Variants in LONRF1 observed in about 807,000 individuals in gnomAD.
The protein encoded by LONRF1 is LON peptidase N-terminal domain and ring finger 1, also known as LON peptidase N-terminal domain and RING finger protein 1.
Under a neutral mutation model 85.8 loss-of-function variants are expected in LONRF1, and 37 were observed. The observed-to-expected ratio is 0.43, with a 90% CI of 0.33 to 0.57. The LOEUF is 0.57. Among genes scored for constraint, LONRF1 ranks in the 20% least tolerant of loss-of-function variants. The pLI is 0.04. For synonymous variants in LONRF1, 517 were observed against 390.1 expected (o/e 1.33, Z -3.83); for missense variants, 1,036 against 978.0 (o/e 1.06, Z -0.79).
chr8:12,738,516 T>C (rs560618318), intron 3 of LONRF1: 1 of 154,268 alleles, frequency 6.5e-6, no homozygotes, highest in East Asian at 1.9e-4. Context: ...TTCACCTCAA[T>C]GTATATTTAC....
chr8:12,728,632 T>C (rs1386345399), intron 10 of LONRF1, among the ~76,000 whole-genome samples: 1 of 152,224 alleles, frequency 6.6e-6, no homozygotes, highest in African/African-American at 2.4e-5. Flanking sequence ...TGCACATGTG[T>C]ACATATACAC....
rs1758001536 is a variant in LONRF1, at chr8:12,729,347, G to A, written c.1689-15C>T. 1 of 1,609,916 alleles carries A rather than the reference G, an allele frequency of 6.2e-7. No homozygotes were observed. The highest frequency in any genetic ancestry group is 8.5e-7 in the Non-Finnish European group (1 of 1,177,938). On this transcript the variant is annotated splice_polypyrimidine_tract_variant and intron_variant, in intron 8 of 11. Transcript: ENST00000398246. The stretch of plus-strand genomic sequence containing the variant: ...TCTTGGTCAAGCTAAGGGAAAAACA[G>A]TTTAATTATTAGAATTCATACAAGA...
intron 8 of LONRF1, among the ~76,000 whole-genome samples, chr8:12,730,242 G>A (rs1429090780): frequency 6.6e-6 from 1 of 152,196 alleles, no homozygotes; most frequent in Non-Finnish European, 1.5e-5. Context: ...TTATATTAAT[G>A]AGAGGAGCAG....
intron 10 of LONRF1, among the ~76,000 whole-genome samples, chr8:12,727,902 G>A (rs1282641968): frequency 6.6e-6 from 1 of 152,192 alleles, no homozygotes; most frequent in Non-Finnish European, 1.5e-5. Flanking sequence ...ATGGCATAGT[G>A]ATAAAGCTCA....
chr8:12,742,176 T>C (rs1469829251), intron 2 of LONRF1, among the ~76,000 whole-genome samples: 2 of 152,212 alleles, frequency 1.3e-5, no homozygotes, highest in African/African-American at 2.4e-5. Flanking sequence ...TCTGAATACA[T>C]TTACTTTGTA....
At chr8:12,750,475 T>C (rs1194593806) in intron 1 of LONRF1, among the ~76,000 whole-genome samples, 2 of 152,186 alleles carry the variant, frequency 1.3e-5, no homozygotes, top group Non-Finnish European at 2.9e-5. Context: ...GATGATAAAA[T>C]AGAACAATAT....
chr8:12,754,913 T>C lies in LONRF1; in HGVS notation c.508A>G (p.Thr170Ala), dbSNP rs1319499693. The change falls in exon 1 of 12, where the codon ACT becomes GCT. Residue 170 changes from threonine to alanine, a missense_variant. Thr to Ala is a moderately conservative substitution (Grantham distance 58). Transcript: ENST00000398246. ...CGCGGGGCGGTCCCTTCAGCATCAGTGGCACTGGCGGTGGCGGGCGGCAGC... is the reference window on the plus strand; with the variant it reads ...CGCGGGGCGGTCCCTTCAGCATCAGCGGCACTGGCGGTGGCGGGCGGCAGC... Reference protein sequence around the residue: ...DRLPPATASATDAEGTAPRPP... With the variant: ...DRLPPATASAADAEGTAPRPP... 8.7e-6 allele frequency: 13 copies of C among 1,492,552 alleles called. No individual in the cohort carries two copies. Among genetic ancestry groups the C allele is most frequent in the Non-Finnish European group, 1.2e-5 (13 of 1,125,224 alleles). 92.5% of individuals were successfully genotyped at this position (1,492,552 alleles called of 1,614,324 possible).
chr8:12,754,749 C>G lies in LONRF1; in HGVS notation c.672G>C (p.Gln224His). The G allele has an allele frequency of 1.2e-5, 17 of 1,446,776 alleles. No homozygotes were observed. The highest frequency in any genetic ancestry group is 3.0e-5 in the East Asian group (1 of 33,080). 89.6% of individuals were successfully genotyped at this position (1,446,776 alleles called of 1,614,324 possible). A position where few individuals can be genotyped will look rare whatever the true frequency, so the allele number is the denominator to read the frequency against. ...CGGCCAGGGCCTCCCGGTAGCGCCC[C>G]TGGTGCAGTAGCTCCCCGAGCCTGC... ...AAGRLGELLHQGRYREALAAA... is the reference protein window; with the variant it reads ...AAGRLGELLHHGRYREALAAA... The change falls in exon 1 of 12, where the codon CAG becomes CAC. Residue 224 changes from glutamine to histidine, a missense_variant. Transcript: ENST00000398246.
At position 12,735,289 on chromosome 8, in the gene LONRF1, T is replaced by C. The variant is rs1798676007; in HGVS notation, c.1563A>G (p.Lys521=). ...AGACACATATACAAATATTTACCTC[T>C]TTTAAGCTTTCTTTGCAAAGAGGAC... ...PYCPLCKESL[K]EYLADRRYCV... is the part of the protein sequence containing the mutation. Residue 521 remains lysine, a synonymous_variant, in exon 7 of 12, where the codon AAA becomes AAG. Coordinates refer to ENST00000398246, the MANE Select transcript of LONRF1 (RefSeq NM_152271.5). 1 of 1,592,780 alleles carries C rather than the reference T, an allele frequency of 6.3e-7. No homozygotes were observed. The highest frequency in any genetic ancestry group is 2.2e-5 in the East Asian group (1 of 44,506).
chr8:12,754,920 G>T lies in LONRF1; in HGVS notation c.501C>A (p.Ala167=). Residue 167 remains alanine, a synonymous_variant, in exon 1 of 12, where the codon GCC becomes GCA. Transcript: ENST00000398246. Reference sequence around the variant, plus strand: ...CGGTCCCTTCAGCATCAGTGGCACTGGCGGTGGCGGGCGGCAGCCGGTCCC... The same window carrying T: ...CGGTCCCTTCAGCATCAGTGGCACTTGCGGTGGCGGGCGGCAGCCGGTCCC... ...LCRDRLPPAT[A]SATDAEGTAP... is the part of the protein sequence containing the mutation. The T allele has an allele frequency of 6.7e-7, 1 of 1,490,308 alleles. No individual in the cohort carries two copies. The highest frequency in any genetic ancestry group is 2.8e-5 in the East Asian group (1 of 35,126). 92.3% of individuals were successfully genotyped at this position (1,490,308 alleles called of 1,614,324 possible).
intron 1 of LONRF1, among the ~76,000 whole-genome samples, chr8:12,747,253 T>C (rs1328873365): frequency 6.6e-6 from 1 of 152,220 alleles, no homozygotes; most frequent in Non-Finnish European, 1.5e-5. Context: ...AGCATTTATT[T>C]CATGGGTTGA....
chr8:12,744,938 T>G (rs1460886163), intron 1 of LONRF1, among the ~76,000 whole-genome samples: 2 of 152,160 alleles, frequency 1.3e-5, no homozygotes, highest in African/African-American at 4.8e-5. Flanking sequence ...TTTGATGACA[T>G]GCACGTTCAG....
At position 12,724,822 on chromosome 8, in the gene LONRF1, G is replaced by T. The variant is rs188508157; in HGVS notation, c.2163+905C>A. On this transcript the variant is annotated intron_variant, in intron 11 of 11. Coordinates refer to ENST00000398246, the MANE Select transcript of LONRF1 (RefSeq NM_152271.5). ...CAACTGATAATATGCTAAACAGAAT[G>T]AATACTAAATTTGGAGATGGCCTAA... Among the ~76,000 whole-genome samples, 466 of 152,268 alleles carry T rather than the reference G, an allele frequency of 3.1e-3. 13 individuals carry two copies. The highest frequency in any genetic ancestry group is 0.011 in the Admixed American group (170 of 15,294).
chr8:12,751,296 G>GTTTTTTTTTTTTTT (rs869038024), intron 1 of LONRF1, among the ~76,000 whole-genome samples: 15 of 69,532 alleles, frequency 2.2e-4, no homozygotes, highest in South Asian at 6.3e-4. Flanking sequence ...TTATTTTTAT[G>GTTTTTTTTTTTTTT]TTTTTTTTTT....
intron 1 of LONRF1, 146 bp from the exon 2 acceptor site, chr8:12,743,428 T>C (rs1799019113): frequency 1.7e-6 from 1 of 583,982 alleles, no homozygotes; most frequent in Non-Finnish European, 3.0e-6. Flanking sequence ...AAAGGCAGTA[T>C]AGGCACAACC....
intron 8 of LONRF1, among the ~76,000 whole-genome samples, chr8:12,731,529 C>G (rs971547595): frequency 5.3e-5 from 8 of 152,034 alleles, no homozygotes; most frequent in African/African-American, 1.7e-4. Flanking sequence ...CTTCAGCCCA[C>G]AGAGCTGAGT....
rs778610470 is a variant in LONRF1 at position 12,755,142 on chromosome 8, C to T, written c.279G>A (p.Leu93=). 6.9e-7 allele frequency: 1 copy of T among 1,447,108 alleles called. No individual in the cohort carries two copies. The highest frequency in any genetic ancestry group is 9.1e-7 in the Non-Finnish European group (1 of 1,103,426). 89.6% of individuals were successfully genotyped at this position (1,447,108 alleles called of 1,614,324 possible). A position where few individuals can be genotyped will look rare whatever the true frequency, so the allele number is the denominator to read the frequency against. The change falls in exon 1 of 12, where the codon CTG becomes CTA. Residue 93 remains leucine (L), a synonymous_variant. Coordinates refer to ENST00000398246, the MANE Select transcript of LONRF1 (RefSeq NM_152271.5). The stretch of plus-strand genomic sequence containing the variant: ...CGTGGCGGAGCCGGTAGTTGAACAC[C>T]AGGCAGTCCACCAGGGCGCCCAGGC... ...PECLGALVDC[L]VFNYRLRHGL... is the part of the protein sequence containing the mutation.
rs1348794979 is a variant in LONRF1, at chr8:12,728,987, C to T, written c.1924G>A (p.Val642Ile). 2 of 1,613,930 alleles carry T rather than the reference C, an allele frequency of 1.2e-6. No homozygotes were observed. Among genetic ancestry groups the T allele is most frequent in the African/African-American group, 2.7e-5 (2 of 74,912 alleles). ...AAAACCCTAAACCGCTTTCCTCCAA[C>T]TGTATCAACCACAGACCTTCCGTCC... ...LPDGRSVVDT[V>I]GGKRFRVLKR... Residue 642 changes from valine (V) to isoleucine (I), a missense_variant, in exon 10 of 12, where the codon GTT becomes ATT. Val to Ile is a conservative substitution (Grantham distance 29). This residue lies in a region of LONRF1 where 265 missense variants were observed against 301.5 expected (regional missense o/e 0.88). Transcript: ENST00000398246.
chr8:12,722,079 TCTAA>T lies in LONRF1; in HGVS notation c.*1013_*1016del, dbSNP rs1420776770. ...TATAAACCATGTTGCAGCATGGTGA[TCTAA>T]CTGTGATATGAATAAGGCATAACTA... On this transcript the variant is annotated 3_prime_UTR_variant, in exon 12 of 12. Transcript: ENST00000398246. 4 of 152,550 alleles carry T rather than the reference TCTAA, an allele frequency of 2.6e-5. No homozygotes were observed. Among genetic ancestry groups the T allele is most frequent in the Non-Finnish European group, 4.4e-5 (3 of 68,022 alleles). The allele number at this position is 152,550 out of a possible 1,614,324, so 9.4% of individuals were successfully genotyped here.
Sources: gnomAD v4.1 joint callset for allele counts (sites outside exome capture counted in the v4.1 genomes callset) on GRCh38, gnomAD v4.1.1 for gene constraint, gnomAD v4.1.1 regional missense constraint, MANE v1.5 for transcripts, NCBI Gene and HGNC (gene_info 2026-07-23, HGNC 2026-07-21) for gene names.